The following DCAF4 variants were observed in gnomAD, a reference collection of about 807,000 sequenced individuals.
DCAF4 encodes the protein DDB1 and CUL4 associated factor 4.
A neutral mutation model predicts 60.9 loss-of-function variants in DCAF4; 37 were observed. That is an observed-to-expected ratio of 0.61 (90% CI 0.47 to 0.80). The LOEUF (loss-of-function observed/expected upper bound fraction) is 0.80. Among genes scored for constraint, DCAF4 ranks in the 30% least tolerant of loss-of-function variants. DCAF4 has a pLI of 0.00. For synonymous variants in DCAF4, 243 were observed against 254.8 expected, an observed-to-expected ratio of 0.95 and a Z score of 0.44; for missense variants, 577 against 650.0, an observed-to-expected ratio of 0.89 and a Z score of 1.22.
chr14:72,950,359 G>C (rs547911711), intron 8 of DCAF4, among the ~76,000 whole-genome samples: 66 of 152,308 alleles, frequency 4.3e-4, no homozygotes, highest in African/African-American at 1.6e-3. Context: ...ACCTCCCAGA[G>C]AGTGGTGGGT....
At chr14:72,929,680 T>A (rs1888260526) in intron 1 of DCAF4, 2 of 1,338,858 alleles carry the variant, frequency 1.5e-6, no homozygotes, top group African/African-American at 1.4e-5. Flanking sequence ...CGCTTCCTCT[T>A]GGCACGGATG....
rs375854555 is a variant in DCAF4 at position 72,958,748 on chromosome 14, C to T, written c.1431C>T (p.Gly477=). The T allele has an allele frequency of 1.7e-5, 28 of 1,610,138 alleles. No individual in the cohort carries two copies. The highest frequency in any genetic ancestry group is 1.7e-4 in the Middle Eastern group (1 of 6,030). ...AFSSRLGGSR[G]APGLLMAVGQ... The stretch of plus-strand genomic sequence containing the variant: ...CGTCGCGGCTGGGGGGCTCCCGGGG[C>T]GCGCCGGGGCTGCTCATGGCTGTCG... Residue 477 remains glycine, a synonymous_variant, in exon 14 of 14, where the codon GGC becomes GGT. Coordinates refer to ENST00000358377, the MANE Select transcript of DCAF4 (RefSeq NM_015604.4).
intron 12 of DCAF4, 114 bp downstream of exon 12, chr14:72,955,810 G>A (rs1178239900): frequency 9.9e-6 from 10 of 1,006,364 alleles, no homozygotes; most frequent in South Asian, 1.6e-5. Flanking sequence ...GGGGAATTTC[G>A]CTGAAGACCA....
chr14:72,947,224 C>A, intron 8 of DCAF4, 33 bp downstream of exon 8: 2 of 1,613,202 alleles, frequency 1.2e-6, no homozygotes, highest in Admixed American at 3.3e-5. Flanking sequence ...GTTTGGTGGG[C>A]AGGCCACACC....
At chr14:72,932,621 C>T (rs2140192963) in intron 1 of DCAF4, among the ~76,000 whole-genome samples, 1 of 152,344 alleles carries the variant, frequency 6.6e-6, no homozygotes, top group East Asian at 1.9e-4. Flanking sequence ...CTGATTTTAA[C>T]ATCTAGAGCA....
chr14:72,930,070 G>A (rs1888338451), intron 1 of DCAF4: 4 of 543,170 alleles, frequency 7.4e-6, no homozygotes, highest in Non-Finnish European at 9.8e-6. Flanking sequence ...GATGGAGGTT[G>A]CCGGGAGCGG....
intron 1 of DCAF4, among the ~76,000 whole-genome samples, chr14:72,928,198 T>TTTTTTTTTTTTG (rs1887924838): frequency 7.2e-6 from 1 of 138,884 alleles, no homozygotes; most frequent in Non-Finnish European, 1.5e-5. Context: ...TTTTTTTTTT[T>TTTTTTTTTTTTG]TTTTTTTTTT....
chr14:72,947,493 G>A (rs1890885266), intron 8 of DCAF4, among the ~76,000 whole-genome samples: 1 of 152,252 alleles, frequency 6.6e-6, no homozygotes, highest in South Asian at 2.1e-4. Flanking sequence ...GGGAACTCAG[G>A]CAGTCTGACT....
chr14:72,960,441 C>T (rs1361575695), downstream of DCAF4, among the ~76,000 whole-genome samples: 1 of 152,092 alleles, frequency 6.6e-6, no homozygotes, highest in Admixed American at 6.6e-5. Context: ...TGAGCCACCG[C>T]ACCTGGCCCG....
intron 13 of DCAF4, 70 bp from the exon 14 acceptor site, chr14:72,958,542 T>C: frequency 1.3e-6 from 2 of 1,573,572 alleles, no homozygotes; most frequent in South Asian, 2.2e-5. Context: ...TGGGAAGCCA[T>C]GTCCACATGT....
At position 72,959,166 on chromosome 14, in the gene DCAF4, C is replaced by G; in HGVS notation, c.*361C>G. 6 of 1,002,500 alleles carry G rather than the reference C, an allele frequency of 6.0e-6. No homozygotes were observed. Among genetic ancestry groups the G allele is most frequent in the Non-Finnish European group, 7.1e-6 (6 of 840,994 alleles). The allele number at this position is 1,002,500 out of a possible 1,614,324, so 62.1% of individuals were successfully genotyped here. On this transcript the variant is annotated 3_prime_UTR_variant, in exon 14 of 14. Coordinates refer to ENST00000358377, the MANE Select transcript of DCAF4 (RefSeq NM_015604.4). ...TTCCTCCAAGAGCCCATTGAAGAAGCCCAGTGATGAGACGGTGAGATGGTT... is the reference window on the plus strand; with the variant it reads ...TTCCTCCAAGAGCCCATTGAAGAAGGCCAGTGATGAGACGGTGAGATGGTT...
At chr14:72,938,196 G>T in intron 2 of DCAF4, 126 bp downstream of exon 2, 1 of 1,341,374 alleles carries the variant, frequency 7.5e-7, no homozygotes. Context: ...TTCTGATTCT[G>T]TAGGTCTGAG....
intron 13 of DCAF4, 96 bp from the exon 14 acceptor site, chr14:72,958,516 C>G: frequency 7.0e-7 from 1 of 1,430,216 alleles, no homozygotes; most frequent in South Asian, 1.2e-5. Flanking sequence ...CATGAAATCA[C>G]AGCCCTGAGG....
At chr14:72,936,799 T>C (rs1001150534) in intron 1 of DCAF4, among the ~76,000 whole-genome samples, 3 of 152,024 alleles carry the variant, frequency 2.0e-5, no homozygotes, top group African/African-American at 7.2e-5. Flanking sequence ...TGGTGTTAAG[T>C]CTGAAAAGAA....
At chr14:72,936,631 G>A (rs965960604) in intron 1 of DCAF4, among the ~76,000 whole-genome samples, 1 of 151,960 alleles carries the variant, frequency 6.6e-6, no homozygotes, top group Non-Finnish European at 1.5e-5. Flanking sequence ...AGAGAAGAGA[G>A]GTATAGACAG....
rs1431494463 is a variant in DCAF4 at position 72,929,704 on chromosome 14, T to C, written c.-9+3161T>C. 5.5e-6 allele frequency: 7 copies of C among 1,272,936 alleles called. No homozygotes were observed. In the African/African-American group the frequency reaches 1.0e-4, roughly 19 times the overall value. 78.9% of individuals were successfully genotyped at this position (1,272,936 alleles called of 1,614,324 possible). ...TTGGCACGGATGTGCGTCCCCACCC[T>C]TTTCTTGATGAACTTGAGGGCCCAT... is the stretch of plus-strand genomic sequence containing the variant. On this transcript the variant is annotated intron_variant, in intron 1 of 13. Coordinates refer to ENST00000358377, the MANE Select transcript of DCAF4 (RefSeq NM_015604.4).
chr14:72,961,202 T>G (rs934976867), downstream of DCAF4, among the ~76,000 whole-genome samples: 1 of 152,136 alleles, frequency 6.6e-6, no homozygotes, highest in African/African-American at 2.4e-5. Context: ...ACCCTCACAC[T>G]AACCCCACGG....
downstream of DCAF4, chr14:72,960,648 C>T: frequency 9.4e-7 from 1 of 1,064,048 alleles, no homozygotes; most frequent in Non-Finnish European, 1.2e-6. Flanking sequence ...GCATCCTCCA[C>T]ATCTTCAGGA....
intron 1 of DCAF4, among the ~76,000 whole-genome samples, chr14:72,931,263 CTTT>C (rs370127536): frequency 3.5e-3 from 438 of 126,786 alleles, no homozygotes; most frequent in Non-Finnish European, 5.3e-3. Context: ...TACTTTTTCT[CTTT>C]TTTTTTTTTT....
Sources: allele counts gnomAD v4.1 joint callset (sites outside exome capture counted in the v4.1 genomes callset), GRCh38; gene constraint gnomAD v4.1.1; transcripts MANE v1.5; gene names NCBI Gene and HGNC (gene_info 2026-07-23, HGNC 2026-07-21).